NSUN6: variants seen among roughly 807,000 people sequenced by gnomAD.
NSUN6 encodes the protein NOP2/Sun RNA methyltransferase 6.
Under a neutral mutation model 58.0 loss-of-function variants are expected in NSUN6, and 64 were observed. The ratio of observed to expected loss-of-function variants is 1.10; its 90% CI spans 0.90 to 1.36. The LOEUF (loss-of-function observed/expected upper bound fraction) is 1.36, where lower values mean the gene tolerates loss of function less well. NSUN6 is among the 40% of genes most tolerant of loss of function. The pLI is 0.00. For missense variants in NSUN6, 701 were observed against 550.1 expected (o/e 1.27, Z -2.74); for synonymous variants, 231 against 193.9 (o/e 1.19, Z -1.59).
chr10:18,552,759 TATTCTCCATTCCATTTG>T (rs1033260491), intron 8 of NSUN6, among the ~76,000 whole-genome samples: 2 of 148,216 alleles, frequency 1.3e-5, no homozygotes, highest in East Asian at 2.0e-4. Flanking sequence ...TACTCCATTC[TATTCTCCATTCCATTTG>T]ATTCTCCATT....
intron 3 of NSUN6, among the ~76,000 whole-genome samples, chr10:18,620,051 T>C (rs1032012705): frequency 4.6e-5 from 7 of 151,890 alleles, no homozygotes; most frequent in Non-Finnish European, 7.4e-5. Flanking sequence ...ACCACTATTA[T>C]ATTTCTAAAA....
intron 3 of NSUN6, among the ~76,000 whole-genome samples, chr10:18,638,222 C>A (rs1381067428): frequency 6.6e-6 from 1 of 152,122 alleles, no homozygotes; most frequent in Admixed American, 6.6e-5. Flanking sequence ...GTGGGTGGAT[C>A]ACCTGAGGTC....
intron 6 of NSUN6, among the ~76,000 whole-genome samples, chr10:18,602,106 C>G (rs977225332): frequency 2.0e-5 from 3 of 151,936 alleles, no homozygotes; most frequent in Admixed American, 6.6e-5. Context: ...CTCTGTCACC[C>G]AGGCTGGAAT....
At chr10:18,578,302 C>T (rs1363003156) in intron 8 of NSUN6, among the ~76,000 whole-genome samples, 3 of 149,168 alleles carry the variant, frequency 2.0e-5, no homozygotes, top group African/African-American at 7.4e-5. Context: ...GGCACCATCT[C>T]GGCTCACTGC....
chr10:18,649,948 T>C (rs1421653688), intron 1 of NSUN6, among the ~76,000 whole-genome samples: 1 of 152,130 alleles, frequency 6.6e-6, no homozygotes, highest in African/African-American at 2.4e-5. Flanking sequence ...AAATCAAATC[T>C]AAAAGGCATG....
intron 3 of NSUN6, among the ~76,000 whole-genome samples, chr10:18,627,815 G>T (rs1417095552): frequency 6.6e-6 from 1 of 152,260 alleles, no homozygotes. Flanking sequence ...CTGTAAGGCG[G>T]CAGCCAGGCT....
chr10:18,552,012 A>G lies in NSUN6; in HGVS notation c.923-41T>C, dbSNP rs201381752. 196 of 1,285,780 alleles carry G rather than the reference A, an allele frequency of 1.5e-4. No individual in the cohort carries two copies. The African/African-American group carries it at 2.8e-3, about 18-fold the overall frequency. The allele number at this position is 1,285,780 out of a possible 1,614,324, so 79.6% of individuals were successfully genotyped here. A position where few individuals can be genotyped will look rare whatever the true frequency, so the allele number is the denominator to read the frequency against. On this transcript the variant is annotated intron_variant, in intron 8 of 10. Transcript: ENST00000377304. ...TAATCATGTTTACTATCTTCCATATAGGTTTAAACTAGAAAACTCCTGAGA... is the reference window on the plus strand; with the variant it reads ...TAATCATGTTTACTATCTTCCATATGGGTTTAAACTAGAAAACTCCTGAGA...
At chr10:18,593,756 A>G (rs2057468359) in intron 7 of NSUN6, among the ~76,000 whole-genome samples, 1 of 151,968 alleles carries the variant, frequency 6.6e-6, no homozygotes, top group Non-Finnish European at 1.5e-5. Flanking sequence ...TACCTAATGC[A>G]TGTGGGGCTT....
upstream of NSUN6, chr10:18,651,672 C>T (rs1564855243): frequency 1.0e-6 from 1 of 986,060 alleles, no homozygotes; most frequent in Non-Finnish European, 1.2e-6. Context: ...CCACCCCTCC[C>T]TTTCCGGTCC....
At chr10:18,596,836 G>T (rs1025698033) in intron 6 of NSUN6, among the ~76,000 whole-genome samples, 1 of 152,072 alleles carries the variant, frequency 6.6e-6, no homozygotes, top group African/African-American at 2.4e-5. Flanking sequence ...TCTCAGCATT[G>T]TTCACTTTAA....
chr10:18,558,764 T>C (rs1233289945), intron 8 of NSUN6, among the ~76,000 whole-genome samples: 1 of 146,068 alleles, frequency 6.8e-6, no homozygotes, highest in Non-Finnish European at 1.5e-5. Flanking sequence ...TGGAGGTTGT[T>C]AAGGAGAATG....
Position 18,546,053 on chromosome 10 carries a change from T to C in NSUN6, c.1290A>G (p.Pro430=), listed in dbSNP as rs576457189. 66 of 1,605,146 alleles carry C rather than the reference T, an allele frequency of 4.1e-5. No homozygotes were observed. Among genetic ancestry groups the C allele is most frequent in the East Asian group, 1.6e-4 (7 of 44,834 alleles). Residue 430 remains proline, a synonymous_variant, in exon 11 of 11, where the codon CCA becomes CCG. Coordinates refer to ENST00000377304, the MANE Select transcript of NSUN6 (RefSeq NM_182543.5). The part of the protein sequence containing the change: ...QLQRFDPSAV[P]LPDTDMDSLR... ...GAGAGTCCATGTCAGTGTCCGGTAATGGCACAGCCGATGGATCAAATCGCT... is the reference window on the plus strand; with the variant it reads ...GAGAGTCCATGTCAGTGTCCGGTAACGGCACAGCCGATGGATCAAATCGCT...
At chr10:18,623,186 G>C (rs978584094) in intron 3 of NSUN6, among the ~76,000 whole-genome samples, 2 of 152,118 alleles carry the variant, frequency 1.3e-5, no homozygotes, top group African/African-American at 4.8e-5. Context: ...TTTAAGTAAA[G>C]TGAAGAAACC....
intron 3 of NSUN6, among the ~76,000 whole-genome samples, chr10:18,631,212 G>C (rs1189340391): frequency 1.3e-5 from 2 of 151,788 alleles, no homozygotes; most frequent in Non-Finnish European, 2.9e-5. Context: ...AACCCTTCAT[G>C]CTAAAAACTC....
At chr10:18,563,383 G>A (rs1296203852) in intron 8 of NSUN6, among the ~76,000 whole-genome samples, 1 of 150,776 alleles carries the variant, frequency 6.6e-6, no homozygotes, top group Admixed American at 6.7e-5. Context: ...ATGGAACGGA[G>A]AATGGTATGG....
intron 8 of NSUN6, among the ~76,000 whole-genome samples, chr10:18,570,915 C>A (rs1477759257): frequency 5.9e-5 from 9 of 151,758 alleles, no homozygotes; most frequent in Non-Finnish European, 1.3e-4. Flanking sequence ...CCATTCCATT[C>A]CATTCTACAT....
At chr10:18,606,853 T>C (rs2058065581) in intron 6 of NSUN6, among the ~76,000 whole-genome samples, 1 of 152,144 alleles carries the variant, frequency 6.6e-6, no homozygotes. Flanking sequence ...ACTGCAGTCT[T>C]GGTCAACGGT....
At chr10:18,605,694 T>C (rs2058024323) in intron 6 of NSUN6, among the ~76,000 whole-genome samples, 2 of 152,166 alleles carry the variant, frequency 1.3e-5, no homozygotes, top group Admixed American at 6.5e-5. Context: ...ACTCCAGATA[T>C]GACACTCTGA....
At chr10:18,556,022 A>C (rs1205508976) in intron 8 of NSUN6, among the ~76,000 whole-genome samples, 3 of 150,920 alleles carry the variant, frequency 2.0e-5, no homozygotes, top group Non-Finnish European at 4.4e-5. Context: ...GAATGAAATG[A>C]AGACTGGAAT....
Sources: allele counts gnomAD v4.1 joint callset (sites outside exome capture counted in the v4.1 genomes callset), GRCh38; gene constraint gnomAD v4.1.1; transcripts MANE v1.5; gene names NCBI Gene and HGNC (gene_info 2026-07-23, HGNC 2026-07-21).